Variants in TBC1D14 observed in about 807,000 individuals in gnomAD.
TBC1D14 encodes the protein TBC1 domain family member 14, also known as TBC1 domain family, member 14.
TBC1D14 carries 26 observed loss-of-function variants against 79.0 expected under a neutral mutation model. The observed-to-expected ratio is 0.33, with a 90% CI of 0.24 to 0.46. The LOEUF is 0.46. TBC1D14 is among the 20% of genes least tolerant of loss of function. The probability of loss-of-function intolerance (pLI) is 1.00; values close to 1 mark genes in which losing one functional copy is unlikely to be tolerated. For missense variants in TBC1D14, 769 were observed against 887.6 expected (o/e 0.87, Z 1.70); for synonymous variants, 394 against 349.9 (o/e 1.13, Z -1.40).
Position 6,923,050 on chromosome 4 carries a change from A to T in TBC1D14, c.-17-323A>T, listed in dbSNP as rs202131965. On this transcript the variant is annotated intron_variant, in intron 1 of 13. Coordinates refer to ENST00000409757, the MANE Select transcript of TBC1D14 (RefSeq NM_020773.3). ...ACGCTGTCTCTACTAAAAATACAAA[A>T]ATTAGCTGGGCGTGGAAGCGCATGC... 3.9e-5 allele frequency among the ~76,000 whole-genome samples: 6 copies of T among 152,272 alleles called. No individual in the cohort carries two copies. In the East Asian group the frequency reaches 1.2e-3, roughly 29 times the overall value.
At chr4:6,969,656 C>T (rs1030011139) in intron 3 of TBC1D14, among the ~76,000 whole-genome samples, 3 of 151,968 alleles carry the variant, frequency 2.0e-5, no homozygotes, top group East Asian at 1.9e-4. Flanking sequence ...CCACCTGCCT[C>T]GGCCTCCCAA....
chr4:6,929,219 C>T (rs896480082), intron 2 of TBC1D14, among the ~76,000 whole-genome samples: 1 of 152,042 alleles, frequency 6.6e-6, no homozygotes, highest in Non-Finnish European at 1.5e-5. Context: ...CTCTCTGGGG[C>T]TTAGTGTCCT....
At chr4:6,988,885 C>CTTTTTTTTTTTTTTTTTTT (rs34268749) in intron 3 of TBC1D14, among the ~76,000 whole-genome samples, 6 of 76,810 alleles carry the variant, frequency 7.8e-5, no homozygotes, top group African/African-American at 1.1e-4. Context: ...TTCTTTCTTT[C>CTTTTTTTTTTTTTTTTTTT]TTTTTTTTTT....
intron 2 of TBC1D14, among the ~76,000 whole-genome samples, chr4:6,947,294 G>A (rs545154781): frequency 1.7e-4 from 26 of 152,218 alleles, no homozygotes; most frequent in African/African-American, 6.0e-4. Flanking sequence ...TCAGGAGATC[G>A]AGACCATCCT....
chr4:6,957,296 G>A (rs1021309733), intron 2 of TBC1D14, among the ~76,000 whole-genome samples: 2 of 152,240 alleles, frequency 1.3e-5, no homozygotes, highest in Non-Finnish European at 1.5e-5. Context: ...CCAATCTCAC[G>A]TTGAAGCAGT....
At position 7,025,072 on chromosome 4, in the gene TBC1D14, G is replaced by A. The variant is rs752658766; in HGVS notation, c.1826G>A (p.Arg609His). The A allele has an allele frequency of 9.3e-6, 15 of 1,613,994 alleles. No individual in the cohort carries two copies. The highest frequency in any genetic ancestry group is 5.0e-5 in the Admixed American group (3 of 60,006). Reference sequence around the variant, plus strand: ...TGTCGTATCTGGGACGTGTTCTGTCGCGATGGGGAAGAGTTCCTGTTCCGC... The same window carrying A: ...TGTCGTATCTGGGACGTGTTCTGTCACGATGGGGAAGAGTTCCTGTTCCGC... ...LACRIWDVFC[R>H]DGEEFLFRTA... Residue 609 changes from arginine (R) to histidine (H), a missense_variant, in exon 13 of 14, where the codon CGC becomes CAC. Coordinates refer to ENST00000409757, the MANE Select transcript of TBC1D14 (RefSeq NM_020773.3).
intron 3 of TBC1D14, among the ~76,000 whole-genome samples, chr4:6,993,124 T>A (rs989016095): frequency 1.3e-5 from 2 of 152,198 alleles, no homozygotes; most frequent in African/African-American, 2.4e-5. Flanking sequence ...ATTTAGCAAT[T>A]TCTCACCACC....
chr4:6,926,971 T>TTATGGAA (rs1724341236), intron 2 of TBC1D14, among the ~76,000 whole-genome samples: 1 of 152,106 alleles, frequency 6.6e-6, no homozygotes, highest in Non-Finnish European at 1.5e-5. Flanking sequence ...AGTCTCTGGG[T>TTATGGAA]TATGGAAGGA....
chr4:6,911,181 C>T (rs756325712), intron 1 of TBC1D14, among the ~76,000 whole-genome samples: 17 of 152,314 alleles, frequency 1.1e-4, no homozygotes, highest in Middle Eastern at 6.8e-3. Context: ...AACCCTCTTA[C>T]TGCTTCTTTG....
Position 6,994,231 on chromosome 4 carries a change from G to T in TBC1D14, c.891G>T (p.Lys297Asn). 3 of 1,614,208 alleles carry T rather than the reference G, an allele frequency of 1.9e-6. No individual in the cohort carries two copies. Among genetic ancestry groups the T allele is most frequent in the Non-Finnish European group, 2.5e-6 (3 of 1,180,034 alleles). Residue 297 changes from lysine (K) to asparagine (N), a missense_variant, in exon 4 of 14, where the codon AAG (lysine) becomes AAT (asparagine). Lys to Asn is a moderately conservative substitution (Grantham distance 94). Transcript: ENST00000409757. The part of the protein sequence containing the change: ...AGRPSKPPSP[K>N]QNVRKNLDFE... ...GACCTAGCAAGCCACCCTCTCCAAA[G>T]CAGAATGTGAGGAAGAATCTTGACT...
At chr4:6,929,749 G>T (rs926638098) in intron 2 of TBC1D14, among the ~76,000 whole-genome samples, 2 of 152,202 alleles carry the variant, frequency 1.3e-5, no homozygotes, top group Admixed American at 6.5e-5. Context: ...GAGCGGATGG[G>T]CTGCCTTGAT....
intron 2 of TBC1D14, among the ~76,000 whole-genome samples, chr4:6,935,742 C>T (rs1343888926): frequency 3.3e-5 from 5 of 151,662 alleles, no homozygotes; most frequent in African/African-American, 7.3e-5. Flanking sequence ...CTCCCAGGTT[C>T]GAGCGATTCT....
At chr4:7,013,075 C>T (rs1219146827) in intron 11 of TBC1D14, among the ~76,000 whole-genome samples, 1 of 152,098 alleles carries the variant, frequency 6.6e-6, no homozygotes, top group Non-Finnish European at 1.5e-5. Flanking sequence ...GAAATTGTGC[C>T]TAGGAATCAT....
At chr4:6,986,060 CCA>C (rs1161734800) in intron 3 of TBC1D14, among the ~76,000 whole-genome samples, 1 of 152,102 alleles carries the variant, frequency 6.6e-6, no homozygotes, top group African/African-American at 2.4e-5. Flanking sequence ...GCAGTTGATC[CCA>C]CTCTCACCCC....
chr4:6,958,149 C>T (rs950832345), intron 2 of TBC1D14, among the ~76,000 whole-genome samples: 2 of 152,154 alleles, frequency 1.3e-5, no homozygotes. Flanking sequence ...CTGAACACAG[C>T]GCCAGGTGTG....
chr4:6,932,016 A>G (rs898122287), intron 2 of TBC1D14, among the ~76,000 whole-genome samples: 1 of 152,134 alleles, frequency 6.6e-6, no homozygotes, highest in South Asian at 2.1e-4. Flanking sequence ...AAGTTACACA[A>G]TGAATAGACT....
chr4:6,987,282 G>T, intron 3 of TBC1D14: 1 of 1,340,028 alleles, frequency 7.5e-7, no homozygotes. Context: ...GGGAGGGAGG[G>T]AGGCCGGCCC....
In TBC1D14 at chr4:6,916,242, G is replaced by A. The variant is rs73796376; in HGVS notation, c.-18+6291G>A. ...CCTTTGAGGATCAGATAGGACAGTG[G>A]TGCCCCCTTGCCATTGGGGTTTGAA... On this transcript the variant is annotated intron_variant, in intron 1 of 13. Coordinates refer to ENST00000409757, the MANE Select transcript of TBC1D14 (RefSeq NM_020773.3). 6.4e-3 allele frequency among the ~76,000 whole-genome samples: 970 copies of A among 152,280 alleles called. 9 individuals are homozygous for A. Among genetic ancestry groups the A allele is most frequent in the African/African-American group, 0.022 (920 of 41,558 alleles).
chr4:6,928,542 A>G (rs1242040084), intron 2 of TBC1D14, among the ~76,000 whole-genome samples: 1 of 152,180 alleles, frequency 6.6e-6, no homozygotes, highest in Non-Finnish European at 1.5e-5. Flanking sequence ...TAAACAGTTA[A>G]TATGAGGGGG....
Sources: gnomAD v4.1 joint callset for allele counts (sites outside exome capture counted in the v4.1 genomes callset) on GRCh38, gnomAD v4.1.1 for gene constraint, MANE v1.5 for transcripts, NCBI Gene and HGNC (gene_info 2026-07-23, HGNC 2026-07-21) for gene names.